Variants in CTNND2 observed in about 807,000 individuals in gnomAD.
CTNND2 encodes catenin delta-2.
Under a neutral mutation model 144.4 loss-of-function variants are expected in CTNND2, and 22 were observed. That is an observed-to-expected ratio of 0.15 (90% CI 0.11 to 0.22). The LOEUF (loss-of-function observed/expected upper bound fraction) is 0.22, where lower values mean the gene tolerates loss of function less well. CTNND2 is among the 10% of genes least tolerant of loss of function. The probability of loss-of-function intolerance (pLI) is 1.00; values close to 1 mark genes in which losing one functional copy is unlikely to be tolerated. For missense variants in CTNND2, 1,353 were observed against 1,618.8 expected (o/e 0.84, Z 2.82); for synonymous variants, 751 against 695.6 (o/e 1.08, Z -1.25).
chr5:11,073,936 C>T (rs990258585), intron 16 of CTNND2, among the ~76,000 whole-genome samples: 1 of 152,242 alleles, frequency 6.6e-6, no homozygotes, highest in African/African-American at 2.4e-5. Flanking sequence ...AAAACGACAT[C>T]TGTCTGGGTC....
chr5:11,864,196 G>C (rs1280812631), intron 1 of CTNND2, among the ~76,000 whole-genome samples: 1 of 152,132 alleles, frequency 6.6e-6, no homozygotes, highest in Non-Finnish European at 1.5e-5. Context: ...CACCAGCAAA[G>C]GCCTTGACCA....
intron 2 of CTNND2, among the ~76,000 whole-genome samples, chr5:11,726,885 T>C (rs557860502): frequency 4.6e-5 from 7 of 152,306 alleles, no homozygotes; most frequent in Non-Finnish European, 8.8e-5. Context: ...TATATAAGTG[T>C]CCTGAGAAGA....
intron 3 of CTNND2, 78 bp from the exon 4 acceptor site, chr5:11,412,147 G>T: frequency 9.0e-7 from 1 of 1,108,366 alleles, no homozygotes; most frequent in African/African-American, 1.5e-5. Flanking sequence ...AGACACAAAG[G>T]CATATTAGGG....
intron 1 of CTNND2, among the ~76,000 whole-genome samples, chr5:11,744,606 A>G (rs972514862): frequency 2.0e-5 from 3 of 152,160 alleles, no homozygotes; most frequent in African/African-American, 4.8e-5. Flanking sequence ...GTGAGCCTCG[A>G]AACACTGCCA....
chr5:11,811,661 A>G (rs1792341309), intron 1 of CTNND2, among the ~76,000 whole-genome samples: 2 of 152,060 alleles, frequency 1.3e-5, no homozygotes, highest in South Asian at 4.1e-4. Flanking sequence ...CTTCTGATCT[A>G]TTTTCATTTT....
chr5:10,992,137 C>T (rs1031679492), intron 19 of CTNND2, among the ~76,000 whole-genome samples: 7 of 152,130 alleles, frequency 4.6e-5, no homozygotes, highest in Admixed American at 1.3e-4. Context: ...AGGATGGTTT[C>T]GAACTCCCGA....
intron 2 of CTNND2, among the ~76,000 whole-genome samples, chr5:11,664,069 T>C (rs1371356236): frequency 6.6e-6 from 1 of 152,164 alleles, no homozygotes; most frequent in Non-Finnish European, 1.5e-5. Flanking sequence ...AGGTTTAGTC[T>C]AGAAATTCAT....
chr5:11,533,085 G>A (rs1022894699), intron 3 of CTNND2, among the ~76,000 whole-genome samples: 2 of 152,164 alleles, frequency 1.3e-5, no homozygotes, highest in African/African-American at 2.4e-5. Context: ...GAGGAAAGGT[G>A]GAAATGCAAG....
intron 14 of CTNND2, among the ~76,000 whole-genome samples, chr5:11,106,505 G>T (rs891571888): frequency 1.3e-5 from 2 of 152,218 alleles, no homozygotes; most frequent in South Asian, 4.1e-4. Flanking sequence ...CCCATCAGTG[G>T]TGTGCCAAAG....
In CTNND2 at chr5:11,397,151, C is replaced by A. The variant is rs1410205497; in HGVS notation, c.492G>T (p.Gly164=). ...GGTAGCTGGCCGGATACTGGAAAGA[C>A]CCTTCAGGTTTGGAATTGAGCTGAA... ...SALQLNSKPE[G]SFQYPASYHS... The change falls in exon 6 of 22, where the codon GGG becomes GGT. Residue 164 remains glycine (G), a synonymous_variant. Coordinates refer to ENST00000304623, the MANE Select transcript of CTNND2 (RefSeq NM_001332.4). The A allele has an allele frequency of 5.6e-6, 9 of 1,614,088 alleles. No individual in the cohort carries two copies. In the East Asian group the frequency reaches 1.8e-4, roughly 32 times the overall value.
chr5:11,136,700 C>T (rs1435720276), intron 12 of CTNND2, among the ~76,000 whole-genome samples: 1 of 152,206 alleles, frequency 6.6e-6, no homozygotes, highest in Non-Finnish European at 1.5e-5. Flanking sequence ...CTTATATGTT[C>T]TCTCTGCTTC....
intron 3 of CTNND2, among the ~76,000 whole-genome samples, chr5:11,501,636 AG>A (rs941093671): frequency 8.5e-5 from 13 of 152,174 alleles, no homozygotes; most frequent in South Asian, 4.1e-4. Context: ...CCAATGTGAC[AG>A]TTACTGGAGG....
intron 2 of CTNND2, chr5:11,589,106 G>A (rs191458182): frequency 1.4e-4 from 121 of 857,306 alleles, no homozygotes; most frequent in Admixed American, 6.2e-4. Flanking sequence ...AGTTCAGCCA[G>A]GCACAAAGGT....
At chr5:11,261,008 G>C (rs1362483411) in intron 9 of CTNND2, among the ~76,000 whole-genome samples, 7 of 152,054 alleles carry the variant, frequency 4.6e-5, no homozygotes, top group African/African-American at 1.7e-4. Context: ...CATCTTGGAG[G>C]GATGGGTCTG....
intron 9 of CTNND2, among the ~76,000 whole-genome samples, chr5:11,281,801 G>A (rs2032695517): frequency 6.6e-6 from 1 of 152,082 alleles, no homozygotes; most frequent in Admixed American, 6.6e-5. Flanking sequence ...TTGGGTGACG[G>A]CCAATTTTCA....
At chr5:11,359,495 G>C (rs370063361) in intron 8 of CTNND2, among the ~76,000 whole-genome samples, 4 of 152,126 alleles carry the variant, frequency 2.6e-5, no homozygotes, top group African/African-American at 9.7e-5. Context: ...CTCTCCGGGA[G>C]CTCTGTTGAC....
At chr5:11,824,006 G>A (rs1793465592) in intron 1 of CTNND2, among the ~76,000 whole-genome samples, 1 of 150,908 alleles carries the variant, frequency 6.6e-6, no homozygotes, top group South Asian at 2.1e-4. Flanking sequence ...CTACTCAGGA[G>A]GTAGGGGAAT....
intron 3 of CTNND2, among the ~76,000 whole-genome samples, chr5:11,489,167 C>T (rs2149990133): frequency 6.6e-6 from 1 of 152,270 alleles, no homozygotes; most frequent in African/African-American, 2.4e-5. Context: ...TTCCCTCGAG[C>T]CATGTATAAG....
rs149178951 is a variant in CTNND2, at chr5:11,486,246, G to C, written c.288-74177C>G. ...TCATACTAGGTGATAATATCCAGTAGATCACACTAGGTGATAATATCCAGT... is the reference window on the plus strand; with the variant it reads ...TCATACTAGGTGATAATATCCAGTACATCACACTAGGTGATAATATCCAGT... On this transcript the variant is annotated intron_variant, in intron 3 of 21. Coordinates refer to ENST00000304623, the MANE Select transcript of CTNND2 (RefSeq NM_001332.4). 5.6e-3 allele frequency among the ~76,000 whole-genome samples: 849 copies of C among 152,272 alleles called. 13 individuals carry two copies. The highest frequency in any genetic ancestry group is 0.019 in the African/African-American group (804 of 41,542).
Sources: allele counts gnomAD v4.1 joint callset (sites outside exome capture counted in the v4.1 genomes callset), GRCh38; gene constraint gnomAD v4.1.1; transcripts MANE v1.5; gene names NCBI Gene and HGNC (gene_info 2026-07-23, HGNC 2026-07-21).